LINGO2: variants seen among roughly 807,000 people sequenced by gnomAD.
LINGO2 encodes leucine-rich repeat and immunoglobulin-like domain-containing nogo receptor-interacting protein 2.
LINGO2 carries 14 observed loss-of-function variants against 30.6 expected under a neutral mutation model. That is an observed-to-expected ratio of 0.46 (90% confidence interval 0.30 to 0.72). LINGO2 has a LOEUF of 0.72. LINGO2 is among the 30% of genes least tolerant of loss of function. The pLI is 0.07. For synonymous variants in LINGO2, 317 were observed against 288.5 expected (o/e 1.10, Z -1.00); for missense variants, 729 against 751.7 (o/e 0.97, Z 0.35).
intron 1 of LINGO2, among the ~76,000 whole-genome samples, chr9:28,594,549 A>G (rs184409072): frequency 6.6e-6 from 1 of 152,216 alleles, no homozygotes; most frequent in East Asian, 1.9e-4. Context: ...CTGGTATTTT[A>G]CAGTAATAGC....
chr9:29,006,060 A>T, the LINGO2 span, among the ~76,000 whole-genome samples: 1 of 151,718 alleles, frequency 6.6e-6, no homozygotes, highest in Admixed American at 6.6e-5. Context: ...GATAGCTGCT[A>T]TTATATTTAA....
the LINGO2 span, among the ~76,000 whole-genome samples, chr9:28,750,230 A>C: frequency 6.6e-6 from 1 of 152,162 alleles, no homozygotes; most frequent in African/African-American, 2.4e-5. Context: ...AGGAAATGGC[A>C]GTTATGAAAG....
At chr9:28,368,585 T>C (rs1216772034) in intron 3 of LINGO2, among the ~76,000 whole-genome samples, 1 of 97,200 alleles carries the variant, frequency 1.0e-5, no homozygotes, top group East Asian at 4.2e-4. Flanking sequence ...CTTTCTCTTC[T>C]TTTCTTTTCT....
chr9:28,151,793 T>C lies in LINGO2; in HGVS notation c.-86-139388A>G, dbSNP rs371856260. On this transcript the variant is annotated intron_variant, in intron 4 of 5. Coordinates refer to ENST00000379992, the Ensembl canonical transcript of LINGO2. ...AATTATGGCAATAAGACTATAAAATTCTTGAGACTAAATTTAATAAGAACT... is the reference window on the plus strand; with the variant it reads ...AATTATGGCAATAAGACTATAAAATCCTTGAGACTAAATTTAATAAGAACT... Among the ~76,000 whole-genome samples, 147 of 152,122 alleles carry C rather than the reference T, an allele frequency of 9.7e-4. 2 individuals are homozygous for C. In the South Asian group the frequency reaches 0.021, roughly 21 times the overall value.
the LINGO2 span, among the ~76,000 whole-genome samples, chr9:28,763,242 C>T: frequency 2.6e-5 from 4 of 152,024 alleles, no homozygotes; most frequent in Non-Finnish European, 5.9e-5. Context: ...AGAATACACT[C>T]TTCCCAATTT....
chr9:27,988,423 A>G (rs1455235685), intron 5 of LINGO2, among the ~76,000 whole-genome samples: 1 of 152,036 alleles, frequency 6.6e-6, no homozygotes, highest in Non-Finnish European at 1.5e-5. Context: ...AGGAATCACC[A>G]CACTGTCTTC....
the LINGO2 span, among the ~76,000 whole-genome samples, chr9:28,793,063 G>A: frequency 6.6e-6 from 1 of 152,022 alleles, no homozygotes; most frequent in African/African-American, 2.4e-5. Context: ...AGTATATACT[G>A]GGACTATGAT....
chr9:28,707,774 T>C, the LINGO2 span, among the ~76,000 whole-genome samples: 2 of 151,790 alleles, frequency 1.3e-5, no homozygotes, highest in African/African-American at 4.8e-5. Context: ...TGGTGAAGGG[T>C]GGGAGGAAGA....
chr9:28,906,299 A>AGT, the LINGO2 span, among the ~76,000 whole-genome samples: 1 of 152,012 alleles, frequency 6.6e-6, no homozygotes, highest in African/African-American at 2.4e-5. Flanking sequence ...ATAGATTTTA[A>AGT]GTGTGATCAC....
chr9:28,852,051 A>G, the LINGO2 span, among the ~76,000 whole-genome samples: 32 of 152,052 alleles, frequency 2.1e-4, no homozygotes, highest in Non-Finnish European at 1.5e-4. Flanking sequence ...TCAGGAAATT[A>G]TCAAAAGATT....
At chr9:28,717,253 G>C in the LINGO2 span, among the ~76,000 whole-genome samples, 4 of 150,216 alleles carry the variant, frequency 2.7e-5, no homozygotes, top group Non-Finnish European at 5.9e-5. Flanking sequence ...GCTGCTTAAA[G>C]AGGCCATGGC....
the LINGO2 span, among the ~76,000 whole-genome samples, chr9:29,082,404 C>A: frequency 6.6e-6 from 1 of 152,120 alleles, no homozygotes; most frequent in Non-Finnish European, 1.5e-5. Context: ...TGGATCCCTT[C>A]CTTACATCTT....
chr9:28,650,559 A>AAG (rs1828050933), intron 1 of LINGO2, among the ~76,000 whole-genome samples: 1 of 152,124 alleles, frequency 6.6e-6, no homozygotes, highest in South Asian at 2.1e-4. Context: ...GTCCTGTGGG[A>AAG]AGATCAATGC....
chr9:28,891,812 A>G, the LINGO2 span, among the ~76,000 whole-genome samples: 3 of 151,990 alleles, frequency 2.0e-5, no homozygotes, highest in Admixed American at 2.0e-4. Context: ...GGTCAAAGTC[A>G]CAGAAATACA....
the LINGO2 span, among the ~76,000 whole-genome samples, chr9:28,796,793 G>T: frequency 6.6e-6 from 1 of 151,780 alleles, no homozygotes; most frequent in Non-Finnish European, 1.5e-5. Context: ...ACTCCAAATT[G>T]CTGTCAAACA....
chr9:28,751,736 A>G, the LINGO2 span, among the ~76,000 whole-genome samples: 130,644 of 151,900 alleles, frequency 0.86, 57,592 homozygotes, highest in Non-Finnish European at 0.96. Flanking sequence ...TATTACTAGT[A>G]TACAAAACAA....
At chr9:27,946,434 A>G (rs896638050), downstream of LINGO2, among the ~76,000 whole-genome samples, 3 of 152,116 alleles carry the variant, frequency 2.0e-5, no homozygotes, top group Admixed American at 1.3e-4. Flanking sequence ...TTTTTCATGG[A>G]TGGGTACATT....
At chr9:28,775,541 G>C in the LINGO2 span, among the ~76,000 whole-genome samples, 1 of 152,160 alleles carries the variant, frequency 6.6e-6, no homozygotes, top group Admixed American at 6.5e-5. Flanking sequence ...CCATGGGAAA[G>C]AATACATATC....
intron 1 of LINGO2, among the ~76,000 whole-genome samples, chr9:28,561,735 T>TTTTG: frequency 2.3e-5 from 1 of 44,016 alleles, no homozygotes; most frequent in Non-Finnish European, 5.6e-5. Context: ...ATATATAATT[T>TTTTG]TGTGTGTGTG....
Sources: allele counts gnomAD v4.1 joint callset (sites outside exome capture counted in the v4.1 genomes callset), GRCh38; gene constraint gnomAD v4.1.1; transcripts MANE v1.5; gene names NCBI Gene and HGNC (gene_info 2026-07-23, HGNC 2026-07-21).